PSD3: variants seen among roughly 807,000 people sequenced by gnomAD.
PSD3 encodes pleckstrin and Sec7 domain containing 3, also known as PH and SEC7 domain-containing protein 3.
Under a neutral mutation model 105.5 loss-of-function variants are expected in PSD3, and 49 were observed. The observed-to-expected ratio is 0.46, with a 90% confidence interval of 0.37 to 0.59. PSD3 has a LOEUF of 0.59. Among genes scored for constraint, PSD3 ranks in the 20% least tolerant of loss-of-function variants. The pLI is 0.00. For missense variants in PSD3, 1,561 were observed against 1,263.8 expected, an observed-to-expected ratio of 1.24 and a Z score of -3.57; for synonymous variants, 557 against 457.8, an observed-to-expected ratio of 1.22 and a Z score of -2.77.
At chr8:18,937,099 C>T (rs889839171) in intron 1 of PSD3, among the ~76,000 whole-genome samples, 2 of 152,198 alleles carry the variant, frequency 1.3e-5, no homozygotes, top group African/African-American at 4.8e-5. Flanking sequence ...ACTCTGAACT[C>T]CTAAGACCTC....
At chr8:19,077,855 C>T (rs1300745363) in intron 1 of PSD3, among the ~76,000 whole-genome samples, 1 of 152,138 alleles carries the variant, frequency 6.6e-6, no homozygotes, top group African/African-American at 2.4e-5. Flanking sequence ...GGCTAATCTC[C>T]ACCTTTTTGG....
chr8:18,817,164 A>G (rs888113025), intron 4 of PSD3, among the ~76,000 whole-genome samples: 1 of 152,220 alleles, frequency 6.6e-6, no homozygotes, highest in South Asian at 2.1e-4. Flanking sequence ...AAAGTAGTCA[A>G]TCACTTGGAA....
At chr8:18,708,872 C>T (rs1671271506) in intron 9 of PSD3, among the ~76,000 whole-genome samples, 1 of 152,082 alleles carries the variant, frequency 6.6e-6, no homozygotes. Context: ...ACCTGAGAGC[C>T]ACACGGGGTA....
intron 15 of PSD3, among the ~76,000 whole-genome samples, chr8:18,552,807 G>A (rs1344456948): frequency 6.6e-6 from 1 of 152,170 alleles, no homozygotes; most frequent in East Asian, 1.9e-4. Flanking sequence ...ACCACAGCTT[G>A]GAGGTTACCA....
intron 9 of PSD3, among the ~76,000 whole-genome samples, chr8:18,728,677 G>A (rs1803507409): frequency 6.6e-6 from 1 of 152,172 alleles, no homozygotes; most frequent in African/African-American, 2.4e-5. Context: ...CTTGAGTTAC[G>A]CTGCGTGAGC....
intron 9 of PSD3, among the ~76,000 whole-genome samples, chr8:18,696,396 T>C (rs1461238844): frequency 6.6e-6 from 1 of 152,236 alleles, no homozygotes; most frequent in Non-Finnish European, 1.5e-5. Context: ...AGTTAACTTG[T>C]CTAAAGCTTT....
intron 10 of PSD3, among the ~76,000 whole-genome samples, chr8:18,638,320 T>C (rs1307226444): frequency 7.7e-6 from 1 of 129,558 alleles, no homozygotes; most frequent in Non-Finnish European, 1.6e-5. Flanking sequence ...GGCTGAGCAA[T>C]TAGGCAAGAA....
intron 1 of PSD3, among the ~76,000 whole-genome samples, chr8:18,946,298 C>G (rs1017752390): frequency 6.6e-6 from 1 of 152,020 alleles, no homozygotes; most frequent in Non-Finnish European, 1.5e-5. Context: ...TATTTGAGGC[C>G]AGGTGCGGTG....
intron 4 of PSD3, among the ~76,000 whole-genome samples, chr8:18,821,717 A>ACACACACACACACACACACACACACC (rs1554513425): frequency 1.4e-5 from 2 of 141,120 alleles, no homozygotes; most frequent in South Asian, 2.3e-4. Context: ...ACACACACAC[A>ACACACACACACACACACACACACACC]CCCCAATAAC....
intron 10 of PSD3, among the ~76,000 whole-genome samples, chr8:18,640,009 A>C (rs1807526440): frequency 6.6e-6 from 1 of 152,180 alleles, no homozygotes; most frequent in African/African-American, 2.4e-5. Context: ...CAAGCCATGC[A>C]AAGCCTGTCC....
At chr8:18,661,841 C>T (rs1311158853) in intron 9 of PSD3, among the ~76,000 whole-genome samples, 1 of 152,200 alleles carries the variant, frequency 6.6e-6, no homozygotes, top group Admixed American at 6.5e-5. Context: ...AATGGATTCC[C>T]TTTAAGCTAT....
intron 2 of PSD3, among the ~76,000 whole-genome samples, chr8:18,917,282 A>G (rs1379727736): frequency 2.0e-5 from 3 of 151,976 alleles, no homozygotes; most frequent in Non-Finnish European, 2.9e-5. Flanking sequence ...TTACCCCACT[A>G]TCCATTTCTC....
At chr8:19,032,078 G>A (rs982033765) in intron 1 of PSD3, among the ~76,000 whole-genome samples, 1 of 152,004 alleles carries the variant, frequency 6.6e-6, no homozygotes, top group Non-Finnish European at 1.5e-5. Flanking sequence ...TGGAGCGAGG[G>A]GACCAACACA....
intron 1 of PSD3, among the ~76,000 whole-genome samples, chr8:19,062,351 C>G (rs761547094): frequency 6.6e-6 from 1 of 152,146 alleles, no homozygotes; most frequent in African/African-American, 2.4e-5. Context: ...AAAATGCTGT[C>G]TGTTACCTTA....
At chr8:18,614,951 T>C (rs886952506) in intron 11 of PSD3, among the ~76,000 whole-genome samples, 3 of 152,148 alleles carry the variant, frequency 2.0e-5, no homozygotes, top group African/African-American at 7.2e-5. Flanking sequence ...TTCTATAAAG[T>C]ATATCTGACT....
At chr8:18,553,766 T>C (rs1176033051) in intron 15 of PSD3, among the ~76,000 whole-genome samples, 5 of 152,206 alleles carry the variant, frequency 3.3e-5, no homozygotes, top group South Asian at 2.1e-4. Context: ...GCACTACTTA[T>C]ACAAAACCCC....
chr8:18,692,746 T>C (rs1801040101), intron 9 of PSD3, among the ~76,000 whole-genome samples: 1 of 152,178 alleles, frequency 6.6e-6, no homozygotes, highest in Non-Finnish European at 1.5e-5. Context: ...TTGGGCACAT[T>C]TTCTGTAACC....
At chr8:18,599,575 G>A (rs1034253879) in intron 12 of PSD3, among the ~76,000 whole-genome samples, 1 of 152,158 alleles carries the variant, frequency 6.6e-6, no homozygotes, top group African/African-American at 2.4e-5. Flanking sequence ...ACCCCCAGTG[G>A]ACGCCTGAAA....
At chr8:18,569,171 G>T (rs1245013844) in intron 14 of PSD3, among the ~76,000 whole-genome samples, 1 of 132,602 alleles carries the variant, frequency 7.5e-6, no homozygotes, top group Non-Finnish European at 1.6e-5. Context: ...AAACATACGT[G>T]TGCATGTGTC....
Sources: gnomAD v4.1 joint callset for allele counts (sites outside exome capture counted in the v4.1 genomes callset) on GRCh38, gnomAD v4.1.1 for gene constraint, MANE v1.5 for transcripts, NCBI Gene and HGNC (gene_info 2026-07-23, HGNC 2026-07-21) for gene names.